The following CUBN variants were observed in gnomAD, a reference collection of about 807,000 sequenced individuals.
CUBN encodes the protein 460 kDa receptor.
In CUBN, 282 loss-of-function variants were observed where a neutral mutation model predicts 405.3. The observed-to-expected ratio is 0.70, with a 90% CI of 0.63 to 0.77. The LOEUF (loss-of-function observed/expected upper bound fraction) is 0.77. Among genes scored for constraint, CUBN ranks in the 30% least tolerant of loss-of-function variants. CUBN has a pLI of 0.00. For missense variants in CUBN, 4,514 were observed against 4,475.2 expected (o/e 1.01, Z -0.25); for synonymous variants, 1,684 against 1,617.0 (o/e 1.04, Z -0.99).
At chr10:16,938,096 C>T (rs1051008437) in intron 38 of CUBN, among the ~76,000 whole-genome samples, 4 of 151,878 alleles carry the variant, frequency 2.6e-5, no homozygotes. Flanking sequence ...AGGATGGTTG[C>T]CTACCAACAG....
rs758677235 is a variant in CUBN, at chr10:17,085,730, G to A, written c.1977C>T (p.Pro659=). Reference sequence around the variant, plus strand: ...AAGTGGTGCAGAACTTCCCAAGAAGGGGGTCCTGATACAAAGGACCATCTC... The same window carrying A: ...AAGTGGTGCAGAACTTCCCAAGAAGAGGGTCCTGATACAAAGGACCATCTC... The part of the protein sequence containing the change: ...EIRDGPLYQD[P]LLGKFCTTFS... The change falls in exon 16 of 67, where the codon CCC becomes CCT. Residue 659 remains proline, a synonymous_variant. Transcript: ENST00000377833. 4 of 1,614,010 alleles carry A rather than the reference G, an allele frequency of 2.5e-6. No homozygotes were observed. The highest frequency in any genetic ancestry group is 1.7e-5 in the Admixed American group (1 of 60,016).
intron 27 of CUBN, among the ~76,000 whole-genome samples, chr10:17,038,072 G>C (rs1018182225): frequency 6.6e-6 from 1 of 151,910 alleles, no homozygotes; most frequent in Non-Finnish European, 1.5e-5. Flanking sequence ...CTGAGTAGCT[G>C]AGATTATAGG....
chr10:16,840,792 C>T (rs1294782140), intron 61 of CUBN, 93 bp downstream of exon 61: 25 of 1,135,192 alleles, frequency 2.2e-5, no homozygotes, highest in Admixed American at 3.5e-5. Flanking sequence ...TAGTAATTAA[C>T]ATTGAAATTT....
chr10:17,101,829 T>C (rs1836499466), intron 13 of CUBN, among the ~76,000 whole-genome samples: 1 of 152,178 alleles, frequency 6.6e-6, no homozygotes, highest in South Asian at 2.1e-4. Flanking sequence ...TCAATGGCAC[T>C]AGGCTCTGTT....
At chr10:17,103,929 T>G (rs10904879) in intron 12 of CUBN, among the ~76,000 whole-genome samples, 88,570 of 152,006 alleles carry the variant, frequency 0.58, 26,872 homozygotes, top group East Asian at 0.7. Flanking sequence ...TTGAGTGAAG[T>G]TATTTCTAGG....
At chr10:16,902,478 A>C (rs7918961) in intron 51 of CUBN, among the ~76,000 whole-genome samples, 117,740 of 150,736 alleles carry the variant, frequency 0.78, 46,396 homozygotes, top group East Asian at 0.99. Context: ...AATTGAAAAA[A>C]AAATACATTT....
intron 27 of CUBN, among the ~76,000 whole-genome samples, chr10:17,033,097 G>A (rs1564488448): frequency 6.6e-6 from 1 of 152,142 alleles, no homozygotes; most frequent in South Asian, 2.1e-4. Flanking sequence ...TGTTTTAAAA[G>A]TGCAGATCTG....
At chr10:16,875,942 G>T (rs983700056) in intron 57 of CUBN, among the ~76,000 whole-genome samples, 1 of 152,120 alleles carries the variant, frequency 6.6e-6, no homozygotes, top group Non-Finnish European at 1.5e-5. Flanking sequence ...TAATTGCGTG[G>T]TTCTATTCTG....
At chr10:16,891,883 A>T (rs1462744831) in intron 54 of CUBN, among the ~76,000 whole-genome samples, 1 of 151,890 alleles carries the variant, frequency 6.6e-6, no homozygotes, top group African/African-American at 2.4e-5. Context: ...GACTATTGCT[A>T]CACAATCTGC....
chr10:16,875,659 A>C (rs966674424), intron 57 of CUBN, among the ~76,000 whole-genome samples: 1 of 152,236 alleles, frequency 6.6e-6, no homozygotes, highest in African/African-American at 2.4e-5. Context: ...TTTATACACA[A>C]TTATGTGGTC....
intron 28 of CUBN, among the ~76,000 whole-genome samples, chr10:17,016,909 G>A (rs1383075136): frequency 1.3e-5 from 2 of 152,116 alleles, no homozygotes; most frequent in East Asian, 1.9e-4. Flanking sequence ...CACTCCATTT[G>A]CCTTCCCTCT....
At chr10:17,084,230 T>C (rs765260807) in intron 17 of CUBN, 41 bp downstream of exon 17, 1 of 1,596,670 alleles carries the variant, frequency 6.3e-7, no homozygotes, top group Non-Finnish European at 8.6e-7. Flanking sequence ...ATAAAAATGT[T>C]GATGAATGTC....
chr10:16,952,457 A>C, intron 32 of CUBN, 68 bp from the exon 33 acceptor site: 1 of 968,258 alleles, frequency 1.0e-6, no homozygotes, highest in South Asian at 1.3e-5. Flanking sequence ...CAAAACAATT[A>C]TTTGATGAAT....
chr10:16,840,565 G>T, intron 61 of CUBN, 30 bp from the exon 62 acceptor site: 1 of 1,513,648 alleles, frequency 6.6e-7, no homozygotes, highest in South Asian at 1.2e-5. Context: ...CAACACAGGA[G>T]ACATTTTATT....
intron 17 of CUBN, among the ~76,000 whole-genome samples, chr10:17,082,838 C>T (rs1251653381): frequency 3.3e-5 from 5 of 152,138 alleles, no homozygotes; most frequent in Non-Finnish European, 5.9e-5. Flanking sequence ...CTTCTCTGGG[C>T]TACAGTTTCC....
intron 31 of CUBN, among the ~76,000 whole-genome samples, chr10:16,959,925 A>C (rs1338783650): frequency 1.3e-5 from 2 of 152,234 alleles, no homozygotes; most frequent in Non-Finnish European, 2.9e-5. Flanking sequence ...TCGTTACTTA[A>C]GTGGTAAAAG....
At chr10:17,041,377 G>T (rs1181369444) in intron 26 of CUBN, among the ~76,000 whole-genome samples, 157 bp from the exon 27 acceptor site, 1 of 151,708 alleles carries the variant, frequency 6.6e-6, no homozygotes, top group African/African-American at 2.4e-5. Flanking sequence ...TACACACACA[G>T]AGACACACAC....
chr10:16,911,786 G>A (rs554859197), intron 48 of CUBN, among the ~76,000 whole-genome samples: 2 of 152,190 alleles, frequency 1.3e-5, no homozygotes, highest in East Asian at 3.9e-4. Context: ...TACATGAGTA[G>A]AATTAAAAAT....
At chr10:17,054,435 A>C (rs1329307125) in intron 22 of CUBN, among the ~76,000 whole-genome samples, 1 of 152,064 alleles carries the variant, frequency 6.6e-6, no homozygotes. Flanking sequence ...ACTAGAGAAA[A>C]GCTAACTAAG....
Sources: gnomAD v4.1 joint callset for allele counts (sites outside exome capture counted in the v4.1 genomes callset) on GRCh38, gnomAD v4.1.1 for gene constraint, MANE v1.5 for transcripts, NCBI Gene and HGNC (gene_info 2026-07-23, HGNC 2026-07-21) for gene names.